The following POU2F2 variants were observed in gnomAD, a reference collection of about 807,000 sequenced individuals.
POU2F2 encodes POU class 2 homeobox 2, also known as POU domain, class 2, transcription factor 2.
POU2F2 carries 14 observed loss-of-function variants against 63.5 expected under a neutral mutation model. The observed-to-expected ratio is 0.22, with a 90% CI of 0.15 to 0.34. The LOEUF (loss-of-function observed/expected upper bound fraction) is 0.34. Among genes scored for constraint, POU2F2 ranks in the 10% least tolerant of loss-of-function variants. The probability of loss-of-function intolerance (pLI) is 1.00; values close to 1 mark genes in which losing one functional copy is unlikely to be tolerated. For missense variants in POU2F2, 607 were observed against 815.2 expected, an observed-to-expected ratio of 0.74 and a Z score of 3.11; for synonymous variants, 306 against 348.6, an observed-to-expected ratio of 0.88 and a Z score of 1.36.
rs1002731390 is a variant in POU2F2, at chr19:42,092,922, G to A, written c.1265-652C>T. Reference sequence around the variant, plus strand: ...ATTTTCTAGCCTGGGGAGGGGCAACGTGTTGTTTTATGTGTATATATATTA... The same window carrying A: ...ATTTTCTAGCCTGGGGAGGGGCAACATGTTGTTTTATGTGTATATATATTA... On this transcript the variant is annotated intron_variant, in intron 12 of 14. Coordinates refer to ENST00000692977, the MANE Select transcript of POU2F2 (RefSeq NM_001394376.1). The surrounding 1 kb of genome is among the most constrained non-coding windows in gnomAD (Gnocchi z 5.0). Among the ~76,000 whole-genome samples the A allele has an allele frequency of 2.7e-5, 4 of 149,642 alleles. No individual in the cohort carries two copies. Among genetic ancestry groups the A allele is most frequent in the African/African-American group, 7.4e-5 (3 of 40,514 alleles).
intron 1 of POU2F2, among the ~76,000 whole-genome samples, chr19:42,189,726 G>A (rs141952008): frequency 1.3e-5 from 2 of 151,894 alleles, no homozygotes; most frequent in Admixed American, 6.6e-5. Context: ...TGAGTGCGGC[G>A]GGGGGAGTTT....
Position 42,086,649 on chromosome 19 carries a change from T to C in POU2F2, c.*4608A>G, listed in dbSNP as rs552490685. ...TCAGGCCCCTGCTCTTCCCAAAGAC[T>C]CCTCGCCCATTCCCCACCCTGCCAT... On this transcript the variant is annotated 3_prime_UTR_variant, in exon 15 of 15. Transcript: ENST00000692977. 2 of 152,180 alleles carry C rather than the reference T, an allele frequency of 1.3e-5. No individual in the cohort carries two copies. 9.4% of individuals were successfully genotyped at this position (152,180 alleles called of 1,614,324 possible). A position where few individuals can be genotyped will look rare whatever the true frequency, so the allele number is the denominator to read the frequency against.
chr19:42,102,619 T>C (rs1599996036), intron 5 of POU2F2, among the ~76,000 whole-genome samples: 1 of 146,510 alleles, frequency 6.8e-6, no homozygotes, highest in Non-Finnish European at 1.5e-5. Context: ...GTTTGTATAG[T>C]GGTGAGTAAA....
At position 42,122,350 on chromosome 19, in the gene POU2F2, A is replaced by G. The variant is rs2032734583; in HGVS notation, c.123T>C (p.Asn41=). The G allele has an allele frequency of 6.4e-7, 1 of 1,555,800 alleles. No individual in the cohort carries two copies. The highest frequency in any genetic ancestry group is 8.7e-7 in the Non-Finnish European group (1 of 1,148,812). ...TDTERNGPDT[N]HQNPQNKTSP... is the part of the protein sequence containing the mutation. ...TTATCCACTCCCTCCTAACCTGATG[A>G]TTAGTGTCTGGTCCATTTCTTTCGG... Residue 41 remains asparagine (N), a synonymous_variant, in exon 3 of 15, where the codon AAT becomes AAC. Transcript: ENST00000692977.
At chr19:42,146,532 C>A (rs1371751783) in intron 2 of POU2F2, among the ~76,000 whole-genome samples, 2 of 152,160 alleles carry the variant, frequency 1.3e-5, no homozygotes, top group African/African-American at 4.8e-5. Flanking sequence ...TTTGTGGGGC[C>A]CTAGCAGATT....
intron 1 of POU2F2, among the ~76,000 whole-genome samples, chr19:42,161,254 C>G (rs984789677): frequency 1.3e-5 from 2 of 152,144 alleles, no homozygotes; most frequent in African/African-American, 4.8e-5. Context: ...TTTGCCTGTC[C>G]AGGGTTCAGT....
rs2032763260 is a variant in POU2F2 at position 42,122,540 on chromosome 19, T to C, written c.65A>G (p.Gln22Arg). The C allele has an allele frequency of 1.2e-6, 2 of 1,605,712 alleles. No homozygotes were observed. Among genetic ancestry groups the C allele is most frequent in the East Asian group, 4.5e-5 (2 of 44,706 alleles). Reference sequence around the variant, plus strand: ...GTGCTCTGATGGGGAGTCCAGACCTTGCTTCTCGGCCTCCAGGGGCTTAGA... The same window carrying C: ...GTGCTCTGATGGGGAGTCCAGACCTCGCTTCTCGGCCTCCAGGGGCTTAGA... ...RMSKPLEAEK[Q>R]GLDSPSEHTD... Residue 22 changes from glutamine (Q) to arginine (R), a missense_variant, in exon 2 of 15, where the codon CAA becomes CGA. Transcript: ENST00000692977.
chr19:42,143,221 G>T (rs2034163939), intron 2 of POU2F2, among the ~76,000 whole-genome samples: 1 of 152,104 alleles, frequency 6.6e-6, no homozygotes, highest in African/African-American at 2.4e-5. Flanking sequence ...AAAATTAGCT[G>T]GGTGTGGTAG....
chr19:42,128,559 T>A (rs143198325), intron 1 of POU2F2, among the ~76,000 whole-genome samples: 1,934 of 152,272 alleles, frequency 0.013, 19 homozygotes, highest in Non-Finnish European at 0.02. Context: ...AAGGGTCAGA[T>A]CATTTCCACC....
Position 42,156,068 on chromosome 19 carries a change from C to A in POU2F2, c.-9+4264G>T. The stretch of plus-strand genomic sequence containing the variant: ...TCTCTGAGGCCTTCTCTCTGCCTAC[C>A]AGCCCTCACCAGTGCTTCGAAGAGC... On this transcript the variant is annotated intron_variant, in intron 2 of 6. Transcript: ENST00000524801. The surrounding 1 kb of genome is among the most constrained non-coding windows in gnomAD (Gnocchi z 4.1). 6.6e-6 allele frequency: 1 copy of A among 152,300 alleles called. No individual in the cohort carries two copies. 9.4% of individuals were successfully genotyped at this position (152,300 alleles called of 1,614,324 possible).
chr19:42,154,062 C>A (rs1039327957), intron 2 of POU2F2, among the ~76,000 whole-genome samples: 1 of 151,870 alleles, frequency 6.6e-6, no homozygotes, highest in African/African-American at 2.4e-5. Context: ...CACCAAGCGA[C>A]CTCCGTCCCT....
At chr19:42,187,283 G>A (rs562519103) in intron 1 of POU2F2, among the ~76,000 whole-genome samples, 1 of 152,060 alleles carries the variant, frequency 6.6e-6, no homozygotes, top group Admixed American at 6.6e-5. Flanking sequence ...GGCCAACATG[G>A]CGAAACCCCG....
rs1200877502 is a variant in POU2F2 at position 42,087,192 on chromosome 19, G to C, written c.*4065C>G. 1.4e-5 allele frequency: 2 copies of C among 146,314 alleles called. No individual in the cohort carries two copies. The highest frequency in any genetic ancestry group is 3.0e-5 in the Non-Finnish European group (2 of 66,994). 9.1% of individuals were successfully genotyped at this position (146,314 alleles called of 1,614,324 possible). A position where few individuals can be genotyped will look rare whatever the true frequency, so the allele number is the denominator to read the frequency against. On this transcript the variant is annotated 3_prime_UTR_variant, in exon 15 of 15. Transcript: ENST00000692977. Reference sequence around the variant, plus strand: ...TTTGGTTTGTTTCTTTTTTCTCTTGGAGGCCTTTATCTCTCGCACTTGCCT... The same window carrying C: ...TTTGGTTTGTTTCTTTTTTCTCTTGCAGGCCTTTATCTCTCGCACTTGCCT...
intron 5 of POU2F2, among the ~76,000 whole-genome samples, chr19:42,107,571 C>A (rs1265714848): frequency 6.6e-6 from 1 of 152,154 alleles, no homozygotes; most frequent in Non-Finnish European, 1.5e-5. Flanking sequence ...TGCGTACATT[C>A]TCTTGGTGAC....
intron 1 of POU2F2, among the ~76,000 whole-genome samples, chr19:42,127,305 T>C (rs1015787702): frequency 2.6e-5 from 4 of 152,058 alleles, no homozygotes; most frequent in Admixed American, 6.5e-5. Context: ...GTTCCCTCTG[T>C]CTGGAACACT....
chr19:42,092,184 G>A lies in POU2F2; in HGVS notation c.1351C>T (p.Leu451Phe). Residue 451 changes from leucine (L) to phenylalanine (F), a missense_variant, in exon 13 of 15, where the codon CTC becomes TTC. Physicochemically the swap from Leu to Phe is conservative, Grantham distance 22 (BLOSUM62 0). Coordinates refer to ENST00000692977, the MANE Select transcript of POU2F2 (RefSeq NM_001394376.1). The surrounding 1 kb of genome is among the most constrained non-coding windows in gnomAD (Gnocchi z 5.0). ...GGAGTGACAGAGGGGATGGAATTGAGGGGGGGCGCAGCCCCGCCCCCGCCC... is the reference window on the plus strand; with the variant it reads ...GGAGTGACAGAGGGGATGGAATTGAAGGGGGGCGCAGCCCCGCCCCCGCCC... ...GGGGGGAAPP[L>F]NSIPSVTPPP... 1 of 1,569,196 alleles carries A rather than the reference G, an allele frequency of 6.4e-7. No homozygotes were observed. The highest frequency in any genetic ancestry group is 8.6e-7 in the Non-Finnish European group (1 of 1,160,724).
intron 5 of POU2F2, among the ~76,000 whole-genome samples, chr19:42,110,007 T>G (rs1229651390): frequency 2.0e-5 from 3 of 152,090 alleles, no homozygotes; most frequent in Admixed American, 2.0e-4. Context: ...TTATAATCCC[T>G]GCACTTTGGG....
rs1047021338 is a variant in POU2F2, at chr19:42,152,172, G to A, written c.-9+8160C>T. Among the ~76,000 whole-genome samples, 2 of 152,140 alleles carry A rather than the reference G, an allele frequency of 1.3e-5. No individual in the cohort carries two copies. The highest frequency in any genetic ancestry group is 2.9e-5 in the Non-Finnish European group (2 of 68,032). ...GGTAGCTGAGGCAATGAACAGCTGT[G>A]AGCCCCCATGCCCACAGGGATATGG... On this transcript the variant is annotated intron_variant, in intron 2 of 6. Coordinates refer to the POU2F2 transcript ENST00000524801. The surrounding 1 kb of genome is among the most constrained non-coding windows in gnomAD (Gnocchi z 4.1).
chr19:42,161,792 G>A (rs2034556273), intron 1 of POU2F2, among the ~76,000 whole-genome samples: 1 of 152,174 alleles, frequency 6.6e-6, no homozygotes, highest in South Asian at 2.1e-4. Context: ...GTCCCTGAGG[G>A]GAGGGAGGAG....
Sources: gnomAD v4.1 joint callset for allele counts (sites outside exome capture counted in the v4.1 genomes callset) on GRCh38, gnomAD v4.1.1 for gene constraint, Gnocchi (gnomAD v3.1) non-coding constraint, MANE v1.5 for transcripts, NCBI Gene and HGNC (gene_info 2026-07-23, HGNC 2026-07-21) for gene names.